Variants in TTC7B observed in about 807,000 individuals in gnomAD.
The protein encoded by TTC7B is tetratricopeptide repeat protein 7B.
In TTC7B, 28 loss-of-function variants were observed where a neutral mutation model predicts 106.8. The observed-to-expected ratio is 0.26, with a 90% CI of 0.19 to 0.36. The LOEUF (loss-of-function observed/expected upper bound fraction) is 0.36, where lower values mean the gene tolerates loss of function less well. TTC7B is among the 10% of genes least tolerant of loss of function. TTC7B has a pLI of 1.00. For synonymous variants in TTC7B, 405 were observed against 430.6 expected (o/e 0.94, Z 0.74); for missense variants, 862 against 1,076.4 (o/e 0.80, Z 2.79).
intron 3 of TTC7B, among the ~76,000 whole-genome samples, chr14:90,768,300 G>A (rs1466506926): frequency 6.6e-6 from 1 of 152,172 alleles, no homozygotes; most frequent in African/African-American, 2.4e-5. Context: ...GGAGACCTCA[G>A]GAGACTTACA....
rs533854793 is a variant in TTC7B at position 90,589,149 on chromosome 14, TA to T, written c.2107+4336del. On this transcript the variant is annotated intron_variant, in intron 18 of 19. Coordinates refer to ENST00000328459, the MANE Select transcript of TTC7B (RefSeq NM_001010854.2). ...CGTTAGCACATTGTTGACTGGAATG[TA>T]AACTGGTACAATTCTGTGGAAGGCA... Among the ~76,000 whole-genome samples, 226 of 152,324 alleles carry T rather than the reference TA, an allele frequency of 1.5e-3. 1 individual carries two copies. The highest frequency in any genetic ancestry group is 5.1e-3 in the African/African-American group (214 of 41,562).
intron 1 of TTC7B, among the ~76,000 whole-genome samples, chr14:90,786,570 C>G (rs1354351878): frequency 6.6e-6 from 1 of 152,016 alleles, no homozygotes; most frequent in Non-Finnish European, 1.5e-5. Flanking sequence ...TCCATCATTT[C>G]TTTGCCAGTA....
intron 4 of TTC7B, among the ~76,000 whole-genome samples, chr14:90,738,152 T>C (rs1359171078): frequency 6.6e-6 from 1 of 152,206 alleles, no homozygotes; most frequent in Non-Finnish European, 1.5e-5. Context: ...TAGTAATAAC[T>C]AGTATTAAAA....
chr14:90,660,797 C>T (rs1886171694), intron 9 of TTC7B, among the ~76,000 whole-genome samples: 2 of 152,224 alleles, frequency 1.3e-5, no homozygotes, highest in Admixed American at 1.3e-4. Flanking sequence ...AGTTGGTTTA[C>T]TGTGAAAAGC....
intron 3 of TTC7B, among the ~76,000 whole-genome samples, chr14:90,774,439 T>G (rs1890959830): frequency 6.6e-6 from 1 of 152,192 alleles, no homozygotes; most frequent in South Asian, 2.1e-4. Context: ...GCATACACCG[T>G]TTACCCCTCT....
intron 19 of TTC7B, among the ~76,000 whole-genome samples, chr14:90,561,162 G>A (rs754503988): frequency 1.3e-5 from 2 of 152,216 alleles, no homozygotes; most frequent in African/African-American, 2.4e-5. Context: ...ATCCTGCAGT[G>A]GGCATGCTCC....
intron 15 of TTC7B, among the ~76,000 whole-genome samples, chr14:90,630,831 G>GTTT (rs201616174): frequency 0.011 from 1,610 of 141,534 alleles, 41 homozygotes; most frequent in African/African-American, 0.039. Context: ...CTTCTATCTT[G>GTTT]TTTTTTGTTT....
chr14:90,812,916 G>A (rs577997973), intron 1 of TTC7B, among the ~76,000 whole-genome samples: 2 of 151,672 alleles, frequency 1.3e-5, no homozygotes, highest in South Asian at 4.1e-4. Context: ...TTAACGGGGA[G>A]GGGCTGCCAC....
In TTC7B at chr14:90,570,373, C is replaced by A. The variant is rs146328273; in HGVS notation, c.2310+7733G>T. Among the ~76,000 whole-genome samples, 195 of 152,322 alleles carry A rather than the reference C, an allele frequency of 1.3e-3. 2 individuals are homozygous for A. In the East Asian group the frequency reaches 0.032, roughly 25 times the overall value. On this transcript the variant is annotated intron_variant, in intron 19 of 19. Transcript: ENST00000328459. The surrounding 1 kb of genome is among the most constrained non-coding windows in gnomAD (Gnocchi z 4.0). ...CCAGCAAACACTCAAAGCCTCTGCA[C>A]CAAGGCAGGAGCCCTGGCTGGAGAG...
At position 90,780,866 on chromosome 14, in the gene TTC7B, A is replaced by C; in HGVS notation, c.317T>G (p.Leu106Trp). ...TTTATAATCACCTTCCACATAATTC[A>C]ACTTGGCCATGATCAGATTGGATTC... ...LQESNLIMAK[L>W]NYVEGDYKEA... is the part of the protein sequence containing the mutation. The change falls in exon 3 of 20, where the codon TTG becomes TGG. Residue 106 changes from leucine (L) to tryptophan (W), a missense_variant. Leu to Trp is a moderately conservative substitution (Grantham distance 61). Transcript: ENST00000328459. 6.2e-7 allele frequency: 1 copy of C among 1,614,248 alleles called. No homozygotes were observed. The highest frequency in any genetic ancestry group is 8.5e-7 in the Non-Finnish European group (1 of 1,180,032).
chr14:90,676,430 G>C (rs899459350), intron 9 of TTC7B, 93 bp downstream of exon 9: 3 of 1,455,756 alleles, frequency 2.1e-6, no homozygotes, highest in South Asian at 1.3e-5. Context: ...ACTAATAGAG[G>C]GGGGCCCAGG....
intron 15 of TTC7B, among the ~76,000 whole-genome samples, chr14:90,636,120 C>CAAA (rs779277935): frequency 1.0e-5 from 1 of 98,564 alleles, no homozygotes; most frequent in Non-Finnish European, 2.1e-5. Flanking sequence ...GACTCCATCT[C>CAAA]AAAAAAAAAA....
At chr14:90,813,502 T>G (rs762209432) in intron 1 of TTC7B, among the ~76,000 whole-genome samples, 3 of 152,128 alleles carry the variant, frequency 2.0e-5, no homozygotes, top group Admixed American at 6.6e-5. Flanking sequence ...AGACATTAGC[T>G]ACTTTAACCC....
intron 4 of TTC7B, among the ~76,000 whole-genome samples, chr14:90,737,920 T>G (rs962714433): frequency 1.3e-5 from 2 of 152,190 alleles, no homozygotes. Flanking sequence ...AGCAGATTAA[T>G]AGTTTCCTAG....
At chr14:90,648,003 A>AGCC (rs1885541124) in intron 13 of TTC7B, among the ~76,000 whole-genome samples, 1 of 152,172 alleles carries the variant, frequency 6.6e-6, no homozygotes, top group South Asian at 2.1e-4. Context: ...CAACTGTGGC[A>AGCC]AACAGGCCAA....
intron 5 of TTC7B, among the ~76,000 whole-genome samples, chr14:90,708,799 T>C (rs1888316858): frequency 6.6e-6 from 1 of 152,092 alleles, no homozygotes; most frequent in South Asian, 2.1e-4. Flanking sequence ...ATTGAAAACC[T>C]CTGGAAAGGA....
intron 15 of TTC7B, among the ~76,000 whole-genome samples, chr14:90,643,414 A>G (rs903361617): frequency 6.6e-5 from 10 of 152,170 alleles, no homozygotes; most frequent in African/African-American, 2.2e-4. Flanking sequence ...TCTCAAAAAA[A>G]AAAAGGAATG....
intron 7 of TTC7B, among the ~76,000 whole-genome samples, chr14:90,681,801 C>T (rs1170035215): frequency 6.6e-6 from 1 of 152,206 alleles, no homozygotes; most frequent in East Asian, 1.9e-4. Flanking sequence ...CTTCTTTCCC[C>T]TTAGATTCTG....
chr14:90,816,387 C>G lies in TTC7B; in HGVS notation c.-92G>C. On this transcript the variant is annotated 5_prime_UTR_variant, in exon 1 of 20. Coordinates refer to ENST00000328459, the MANE Select transcript of TTC7B (RefSeq NM_001010854.2). The stretch of plus-strand genomic sequence containing the variant: ...CCGCCTCCCGCCGCCGCCGCGGGCT[C>G]GGGCTCCGGCTCCCGGCTCCGCGGC... 12 of 687,270 alleles carry G rather than the reference C, an allele frequency of 1.7e-5. No homozygotes were observed. Among genetic ancestry groups the G allele is most frequent in the Non-Finnish European group, 2.1e-5 (12 of 561,126 alleles). The allele number at this position is 687,270 out of a possible 1,614,324, so 42.6% of individuals were successfully genotyped here.
Sources: gnomAD v4.1 joint callset for allele counts (sites outside exome capture counted in the v4.1 genomes callset) on GRCh38, gnomAD v4.1.1 for gene constraint, Gnocchi (gnomAD v3.1) non-coding constraint, MANE v1.5 for transcripts, NCBI Gene and HGNC (gene_info 2026-07-23, HGNC 2026-07-21) for gene names.